Variants in KCNIP4 observed in about 807,000 individuals in gnomAD.
The protein encoded by KCNIP4 is potassium voltage-gated channel interacting protein 4, also known as Kv channel-interacting protein 4.
A neutral mutation model predicts 34.0 loss-of-function variants in KCNIP4; 12 were observed. The ratio of observed to expected loss-of-function variants is 0.35; its 90% CI spans 0.23 to 0.57. The LOEUF (loss-of-function observed/expected upper bound fraction) is 0.57. Ranked by LOEUF, KCNIP4 falls within the 20% of genes least tolerant of loss-of-function variation. KCNIP4 has a pLI of 0.83. For missense variants in KCNIP4, 238 were observed against 311.7 expected (o/e 0.76, Z 1.78); for synonymous variants, 124 against 102.2 (o/e 1.21, Z -1.29).
intron 1 of KCNIP4, among the ~76,000 whole-genome samples, chr4:21,816,215 C>G (rs531038908): frequency 6.6e-6 from 1 of 152,002 alleles, no homozygotes; most frequent in Non-Finnish European, 1.5e-5. Flanking sequence ...AAAAATGTAC[C>G]CTAACATAGT....
rs114650017 is a variant in KCNIP4 at position 21,337,684 on chromosome 4, G to A, written c.62-454975C>T. Reference sequence around the variant, plus strand: ...TAAGAGGCTTCAACTGGCTATGCTAGAATGGCTGAGAATTTTGAAAAAGAT... The same window carrying A: ...TAAGAGGCTTCAACTGGCTATGCTAAAATGGCTGAGAATTTTGAAAAAGAT... On this transcript the variant is annotated intron_variant, in intron 1 of 8. Coordinates refer to ENST00000382152, the MANE Select transcript of KCNIP4 (RefSeq NM_025221.6). Among the ~76,000 whole-genome samples, 521 of 152,208 alleles carry A rather than the reference G, an allele frequency of 3.4e-3. 7 individuals are homozygous for A. Among genetic ancestry groups the A allele is most frequent in the African/African-American group, 0.012 (487 of 41,534 alleles).
intron 1 of KCNIP4, among the ~76,000 whole-genome samples, chr4:20,995,542 G>A (rs964456206): frequency 6.6e-6 from 1 of 152,172 alleles, no homozygotes; most frequent in Admixed American, 6.5e-5. Flanking sequence ...GTCCTGCTAT[G>A]AGAACCCGTT....
At chr4:21,489,782 A>ATT (rs377380164) in intron 1 of KCNIP4, among the ~76,000 whole-genome samples, 1 of 152,102 alleles carries the variant, frequency 6.6e-6, no homozygotes, top group African/African-American at 2.4e-5. Flanking sequence ...AATACAGACA[A>ATT]TTTTTTATCA....
At chr4:21,366,569 C>T (rs1719786365) in intron 1 of KCNIP4, among the ~76,000 whole-genome samples, 1 of 152,124 alleles carries the variant, frequency 6.6e-6, no homozygotes, top group Admixed American at 6.6e-5. Context: ...GGCTAGCTAG[C>T]TCAAGAAGGT....
intron 1 of KCNIP4, among the ~76,000 whole-genome samples, chr4:21,593,486 TACC>T (rs1470182711): frequency 6.6e-6 from 1 of 152,104 alleles, no homozygotes; most frequent in Non-Finnish European, 1.5e-5. Context: ...TTGCCGTCTG[TACC>T]ACATTTGCCA....
Position 21,136,327 on chromosome 4 carries a change from A to G in KCNIP4, c.62-253618T>C, listed in dbSNP as rs1370546831. Among the ~76,000 whole-genome samples the G allele has an allele frequency of 4.6e-5, 7 of 152,330 alleles. No individual in the cohort carries two copies. In the East Asian group the frequency reaches 1.3e-3, roughly 29 times the overall value. The stretch of plus-strand genomic sequence containing the variant: ...TGGAGGAAGCGAGTAATCTTTCTGG[A>G]GAATTAGCAAAGGATAATTTTTAGA... On this transcript the variant is annotated intron_variant, in intron 1 of 8. Coordinates refer to ENST00000382152, the MANE Select transcript of KCNIP4 (RefSeq NM_025221.6).
chr4:21,378,864 T>G (rs967787432), intron 1 of KCNIP4, among the ~76,000 whole-genome samples: 3 of 152,144 alleles, frequency 2.0e-5, no homozygotes, highest in African/African-American at 7.2e-5. Flanking sequence ...TACGTAGCTA[T>G]CTACATATTT....
intron 1 of KCNIP4, among the ~76,000 whole-genome samples, chr4:21,011,970 T>A (rs1431383396): frequency 6.6e-6 from 1 of 152,228 alleles, no homozygotes. Context: ...CTCTAACTGG[T>A]CTTAACGTAG....
intron 1 of KCNIP4, among the ~76,000 whole-genome samples, chr4:21,057,400 G>A (rs2108962665): frequency 6.6e-6 from 1 of 152,206 alleles, no homozygotes; most frequent in South Asian, 2.1e-4. Context: ...GCACAGTTCA[G>A]CATTTATGAA....
intron 1 of KCNIP4, among the ~76,000 whole-genome samples, chr4:21,297,144 T>C (rs1260069885): frequency 6.6e-6 from 1 of 151,608 alleles, no homozygotes; most frequent in Non-Finnish European, 1.5e-5. Context: ...GATGAATAAT[T>C]GTTATTTGAA....
chr4:21,519,550 A>G (rs796586385), intron 1 of KCNIP4, among the ~76,000 whole-genome samples: 3 of 47,212 alleles, frequency 6.4e-5, no homozygotes, highest in African/African-American at 1.4e-4. Flanking sequence ...ATATACACAT[A>G]TGTGTGTATG....
intron 1 of KCNIP4, among the ~76,000 whole-genome samples, chr4:20,959,937 T>G (rs1163687755): frequency 6.6e-6 from 1 of 152,190 alleles, no homozygotes; most frequent in Non-Finnish European, 1.5e-5. Flanking sequence ...CAAAGTGCTT[T>G]GAAAAGCACC....
rs190399448 is a variant in KCNIP4, at chr4:21,905,972, C to A, written c.61+42599G>T. ...ACGTAACACTTGTTTGCATAGACCA[C>A]AGGACTGCAAACTTCAGCAGCCACT... On this transcript the variant is annotated intron_variant, in intron 1 of 8. Transcript: ENST00000382152. Among the ~76,000 whole-genome samples, 48 of 152,286 alleles carry A rather than the reference C, an allele frequency of 3.2e-4. No homozygotes were observed. The East Asian group carries it at 9.1e-3, about 29-fold the overall frequency.
chr4:21,380,645 A>C (rs1314946384), intron 1 of KCNIP4, among the ~76,000 whole-genome samples: 1 of 152,160 alleles, frequency 6.6e-6, no homozygotes, highest in Non-Finnish European at 1.5e-5. Context: ...TACTTCGACA[A>C]AGTGGCCATG....
At chr4:21,626,462 G>A (rs1024396019) in intron 1 of KCNIP4, among the ~76,000 whole-genome samples, 1 of 151,908 alleles carries the variant, frequency 6.6e-6, no homozygotes, top group South Asian at 2.1e-4. Context: ...CACCTAGAAG[G>A]CAAGAGAAGA....
chr4:21,920,387 C>T (rs1397674914), intron 1 of KCNIP4, among the ~76,000 whole-genome samples: 1 of 152,046 alleles, frequency 6.6e-6, no homozygotes, highest in Non-Finnish European at 1.5e-5. Context: ...ACAGAATTTG[C>T]CCTGTATTAG....
chr4:20,808,165 T>C (rs1715308581), intron 3 of KCNIP4, among the ~76,000 whole-genome samples: 1 of 152,190 alleles, frequency 6.6e-6, no homozygotes, highest in South Asian at 2.1e-4. Flanking sequence ...GCTACACAAC[T>C]AAAGGTCAGC....
At chr4:21,522,094 G>T (rs796113671) in intron 1 of KCNIP4, among the ~76,000 whole-genome samples, 50 of 152,124 alleles carry the variant, frequency 3.3e-4, no homozygotes, top group African/African-American at 1.2e-3. Flanking sequence ...ATTAATAGAG[G>T]CAAATAAGTT....
chr4:21,458,661 C>T (rs1047278798), intron 1 of KCNIP4, among the ~76,000 whole-genome samples: 2 of 151,990 alleles, frequency 1.3e-5, no homozygotes, highest in Admixed American at 6.6e-5. Context: ...CCTAAAAAAG[C>T]CCTCAATGCT....
Sources: gnomAD v4.1 joint callset for allele counts (sites outside exome capture counted in the v4.1 genomes callset) on GRCh38, gnomAD v4.1.1 for gene constraint, MANE v1.5 for transcripts, NCBI Gene and HGNC (gene_info 2026-07-23, HGNC 2026-07-21) for gene names.